EYA4: variants seen among roughly 807,000 people sequenced by gnomAD.
The protein encoded by EYA4 is protein phosphatase EYA4.
A neutral mutation model predicts 87.9 loss-of-function variants in EYA4; 31 were observed. The ratio of observed to expected loss-of-function variants is 0.35; its 90% CI spans 0.27 to 0.48. The LOEUF (loss-of-function observed/expected upper bound fraction) is 0.48. EYA4 is among the 20% of genes least tolerant of loss of function. EYA4 has a pLI of 0.99. For synonymous variants in EYA4, 263 were observed against 270.6 expected (o/e 0.97, Z 0.28); for missense variants, 678 against 761.4 (o/e 0.89, Z 1.29).
At chr6:133,367,853 G>T (rs1027151666) in intron 2 of EYA4, among the ~76,000 whole-genome samples, 1 of 152,092 alleles carries the variant, frequency 6.6e-6, no homozygotes, top group Non-Finnish European at 1.5e-5. Context: ...TAAACATGGG[G>T]TAATGAAAAC....
At chr6:133,316,146 C>A (rs965753684) in intron 2 of EYA4, among the ~76,000 whole-genome samples, 3 of 152,126 alleles carry the variant, frequency 2.0e-5, no homozygotes, top group Non-Finnish European at 4.4e-5. Flanking sequence ...CTTCAGTAAG[C>A]TGAAAACTCC....
chr6:133,457,243 TAAATACCTGATAACTCCCAGCTGGG>T (rs1425875700), intron 6 of EYA4, among the ~76,000 whole-genome samples: 2 of 152,164 alleles, frequency 1.3e-5, no homozygotes, highest in Admixed American at 1.3e-4. Flanking sequence ...CTTTAAAATA[TAAATACCTGATAACTCCCAGCTGGG>T]CACAAAGGGC....
intron 3 of EYA4, among the ~76,000 whole-genome samples, chr6:133,390,038 T>C (rs1024759679): frequency 1.3e-5 from 2 of 152,200 alleles, no homozygotes; most frequent in African/African-American, 4.8e-5. Context: ...GTTGCCGTGT[T>C]GGTCAATTGA....
At chr6:133,293,847 G>A (rs1277122963) in intron 2 of EYA4, among the ~76,000 whole-genome samples, 2 of 151,390 alleles carry the variant, frequency 1.3e-5, no homozygotes, top group East Asian at 3.9e-4. Flanking sequence ...TGAGGTTGGA[G>A]GATCACCTGA....
chr6:133,277,154 A>G (rs1043523627), intron 2 of EYA4, among the ~76,000 whole-genome samples: 1 of 152,174 alleles, frequency 6.6e-6, no homozygotes, highest in African/African-American at 2.4e-5. Flanking sequence ...TTGGGTGTAG[A>G]CATAGCAGTA....
intron 9 of EYA4, among the ~76,000 whole-genome samples, chr6:133,463,518 A>G (rs1794589291): frequency 6.6e-6 from 1 of 151,572 alleles, no homozygotes; most frequent in Admixed American, 6.6e-5. Context: ...GCACCACCAC[A>G]CCCAGCTAAT....
chr6:133,304,873 T>C (rs965007420), intron 2 of EYA4, among the ~76,000 whole-genome samples: 1 of 152,190 alleles, frequency 6.6e-6, no homozygotes, highest in Non-Finnish European at 1.5e-5. Context: ...AAAGAGCTTA[T>C]ATTTCTGAGT....
At chr6:133,344,292 G>A (rs994809337) in intron 2 of EYA4, among the ~76,000 whole-genome samples, 1 of 152,126 alleles carries the variant, frequency 6.6e-6, no homozygotes, top group Non-Finnish European at 1.5e-5. Flanking sequence ...CTAGATGTAG[G>A]ACCCTGTTAT....
chr6:133,515,207 T>C (rs1314625127), intron 16 of EYA4, 114 bp from the exon 17 acceptor site: 1 of 734,430 alleles, frequency 1.4e-6, no homozygotes, highest in Non-Finnish European at 2.5e-6. Context: ...TCTCTCTGCA[T>C]TTCTGATATA....
intron 3 of EYA4, among the ~76,000 whole-genome samples, chr6:133,429,970 A>C (rs576221672): frequency 5.8e-4 from 88 of 152,122 alleles, no homozygotes; most frequent in African/African-American, 2.1e-3. Context: ...CCCATCACCC[A>C]GATTGTGAAC....
intron 3 of EYA4, among the ~76,000 whole-genome samples, chr6:133,445,988 A>G (rs937005099): frequency 2.6e-5 from 4 of 152,168 alleles, no homozygotes; most frequent in African/African-American, 9.7e-5. Context: ...CCTATTCCTG[A>G]ATGCATACTA....
In EYA4 at chr6:133,338,624, C is replaced by T. The variant is rs73559605; in HGVS notation, c.34-43768C>T. Among the ~76,000 whole-genome samples the T allele has an allele frequency of 4.3e-3, 649 of 152,212 alleles. 5 individuals carry two copies. The highest frequency in any genetic ancestry group is 0.015 in the African/African-American group (639 of 41,540). ...AGAAAAATGATATAAAACCATGAAT[C>T]CTGCTACAACACTTTGGATGTGTTG... On this transcript the variant is annotated intron_variant, in intron 2 of 19. Transcript: ENST00000355286.
chr6:133,308,391 A>T (rs1353415174), intron 2 of EYA4, among the ~76,000 whole-genome samples: 1 of 152,244 alleles, frequency 6.6e-6, no homozygotes, highest in African/African-American at 2.4e-5. Context: ...AATTAAAAAA[A>T]ACTTCAACTT....
intron 5 of EYA4, among the ~76,000 whole-genome samples, chr6:133,450,991 G>C (rs992911346): frequency 6.6e-6 from 1 of 152,196 alleles, no homozygotes. Context: ...CTTTGAAATT[G>C]TTAGCACTTG....
intron 3 of EYA4, among the ~76,000 whole-genome samples, chr6:133,400,633 C>T (rs1473846083): frequency 1.3e-5 from 2 of 151,954 alleles, no homozygotes; most frequent in Non-Finnish European, 2.9e-5. Context: ...GTGCCCTGAA[C>T]ATCATATTGA....
intron 2 of EYA4, among the ~76,000 whole-genome samples, chr6:133,346,560 T>C (rs1038285854): frequency 5.3e-5 from 8 of 152,206 alleles, no homozygotes; most frequent in African/African-American, 1.7e-4. Context: ...AGTCTTTTAT[T>C]TGTGCAGTTC....
intron 17 of EYA4, among the ~76,000 whole-genome samples, chr6:133,522,131 GA>G (rs962541416): frequency 1.1e-3 from 152 of 136,214 alleles, no homozygotes; most frequent in African/African-American, 2.5e-3. Flanking sequence ...AAAAAAAAAG[GA>G]AAAAAAAAAA....
chr6:133,508,950 A>G (rs940664615), intron 14 of EYA4, among the ~76,000 whole-genome samples: 6 of 152,198 alleles, frequency 3.9e-5, no homozygotes, highest in African/African-American at 1.4e-4. Context: ...CTCAAACCCT[A>G]GAACTTAGCT....
At chr6:133,479,492 A>G (rs184385095) in intron 11 of EYA4, among the ~76,000 whole-genome samples, 47 of 152,278 alleles carry the variant, frequency 3.1e-4, no homozygotes, top group Admixed American at 1.6e-3. Flanking sequence ...AAAAATTACT[A>G]TTTCTCAGAA....
Sources: gnomAD v4.1 joint callset for allele counts (sites outside exome capture counted in the v4.1 genomes callset) on GRCh38, gnomAD v4.1.1 for gene constraint, MANE v1.5 for transcripts, NCBI Gene and HGNC (gene_info 2026-07-23, HGNC 2026-07-21) for gene names.